ZNF487: variants seen among roughly 807,000 people sequenced by gnomAD.
The protein encoded by ZNF487 is zinc finger protein 487.
ZNF487 carries 4 observed loss-of-function variants against 3.0 expected under a neutral mutation model. The observed-to-expected ratio is 1.35, with a 90% CI of 0.66 to 3.08. The LOEUF (loss-of-function observed/expected upper bound fraction) is 3.08, where lower values mean the gene tolerates loss of function less well. Among genes scored for constraint, ZNF487 ranks in the 30% most tolerant of loss-of-function variants. The pLI is 0.01. For synonymous variants in ZNF487, 55 were observed against 34.6 expected (o/e 1.59, Z -2.06); for missense variants, 146 against 98.7 (o/e 1.48, Z -2.03).
intron 1 of ZNF487, among the ~76,000 whole-genome samples, chr10:43,471,626 GA>G (rs976610170): frequency 1.3e-4 from 20 of 152,148 alleles, no homozygotes; most frequent in African/African-American, 4.8e-4. Context: ...TCTCAGCAGA[GA>G]GGGGAACTGG....
chr10:43,519,221 C>T, the ZNF487 span, among the ~76,000 whole-genome samples: 1 of 151,994 alleles, frequency 6.6e-6, no homozygotes. Flanking sequence ...TTATCACACT[C>T]TTACTGTTGT....
At chr10:43,465,412 G>C (rs1266924898) in intron 1 of ZNF487, among the ~76,000 whole-genome samples, 4 of 149,704 alleles carry the variant, frequency 2.7e-5, no homozygotes, top group Non-Finnish European at 5.9e-5. Flanking sequence ...CCGGGCGGAG[G>C]GGCTCCTCAC....
At chr10:43,498,803 G>C in the ZNF487 span, among the ~76,000 whole-genome samples, 6 of 151,542 alleles carry the variant, frequency 4.0e-5, no homozygotes, top group African/African-American at 4.8e-5. Context: ...TTAGCCGGGC[G>C]TAGTGGCGGG....
intron 1 of ZNF487, among the ~76,000 whole-genome samples, chr10:43,463,715 T>TC (rs58763484): frequency 0.035 from 4,495 of 127,568 alleles, 106 homozygotes; most frequent in South Asian, 0.049. Flanking sequence ...TTTCTTTCTT[T>TC]TTTTTTTTTT....
the ZNF487 span, among the ~76,000 whole-genome samples, chr10:43,513,699 T>C: frequency 6.6e-6 from 1 of 152,202 alleles, no homozygotes; most frequent in African/African-American, 2.4e-5. Flanking sequence ...TGCCAGCTGC[T>C]AAGTATGTCT....
intron 1 of ZNF487, among the ~76,000 whole-genome samples, chr10:43,439,344 G>A (rs1589015817): frequency 1.3e-5 from 2 of 152,106 alleles, no homozygotes; most frequent in African/African-American, 2.4e-5. Context: ...AGGCTTCAGT[G>A]AGCCATGATT....
the ZNF487 span, among the ~76,000 whole-genome samples, chr10:43,516,434 C>A: frequency 1.3e-5 from 2 of 152,118 alleles, no homozygotes; most frequent in Non-Finnish European, 2.9e-5. Flanking sequence ...ATCTGTATTA[C>A]GGTTCTCTAG....
the ZNF487 span, among the ~76,000 whole-genome samples, chr10:43,501,515 A>AGATC: frequency 6.6e-6 from 1 of 152,158 alleles, no homozygotes; most frequent in Non-Finnish European, 1.5e-5. Context: ...TGAGGTGGGC[A>AGATC]GATCACCTGA....
chr10:43,459,926 C>G (rs12245541), intron 1 of ZNF487, among the ~76,000 whole-genome samples: 1 of 151,232 alleles, frequency 6.6e-6, no homozygotes. Context: ...CTCAGCCTCC[C>G]GAGTAGCTGG....
chr10:43,490,669 C>T, the ZNF487 span, among the ~76,000 whole-genome samples: 1 of 146,712 alleles, frequency 6.8e-6, no homozygotes, highest in South Asian at 2.2e-4. Flanking sequence ...GCCACCACGC[C>T]TGGCTAATTT....
At chr10:43,475,079 G>A (rs1209024379) in intron 1 of ZNF487, among the ~76,000 whole-genome samples, 1 of 152,058 alleles carries the variant, frequency 6.6e-6, no homozygotes, top group Non-Finnish European at 1.5e-5. Flanking sequence ...GCAGGCATGT[G>A]CAGACAAGAC....
intron 1 of ZNF487, among the ~76,000 whole-genome samples, chr10:43,441,865 G>T (rs1839624757): frequency 6.6e-6 from 1 of 152,204 alleles, no homozygotes; most frequent in Non-Finnish European, 1.5e-5. Context: ...GGGATTACAG[G>T]CGTGAGCCAC....
chr10:43,445,557 T>A (rs913109727), intron 1 of ZNF487, among the ~76,000 whole-genome samples: 4 of 152,200 alleles, frequency 2.6e-5, no homozygotes. Context: ...CATTGTTCAT[T>A]CTGGGGCAAA....
At chr10:43,443,762 A>G (rs771077202) in intron 1 of ZNF487, among the ~76,000 whole-genome samples, 38 of 151,690 alleles carry the variant, frequency 2.5e-4, no homozygotes, top group African/African-American at 6.1e-4. Context: ...GCCTCAAGCA[A>G]TTCCCCCCAA....
chr10:43,489,381 T>C, the ZNF487 span, among the ~76,000 whole-genome samples: 6 of 152,210 alleles, frequency 3.9e-5, no homozygotes, highest in East Asian at 1.2e-3. Context: ...TGAGATGGAG[T>C]CTCGCTCTGT....
chr10:43,437,986 C>A (rs944262599), intron 1 of ZNF487, among the ~76,000 whole-genome samples: 3 of 152,058 alleles, frequency 2.0e-5, no homozygotes, highest in African/African-American at 7.2e-5. Flanking sequence ...CACCGCCTGC[C>A]ACCGAAATAT....
chr10:43,445,781 CAT>C (rs1373659872), intron 1 of ZNF487, among the ~76,000 whole-genome samples: 2 of 152,016 alleles, frequency 1.3e-5, no homozygotes, highest in Admixed American at 1.3e-4. Context: ...AGCAGATAAA[CAT>C]GTGAACAAAG....
downstream of ZNF487, among the ~76,000 whole-genome samples, chr10:43,484,400 A>C (rs1327782862): frequency 6.6e-6 from 1 of 151,802 alleles, no homozygotes; most frequent in Non-Finnish European, 1.5e-5. Flanking sequence ...TGAGGTCAGG[A>C]GTTCGAGACC....
intron 1 of ZNF487, chr10:43,458,194 A>T: frequency 6.6e-6 from 1 of 152,374 alleles, no homozygotes; most frequent in Middle Eastern, 3.4e-3. Flanking sequence ...ACACGCGCCC[A>T]TGACAGCCTC....
Sources: gnomAD v4.1 joint callset for allele counts (sites outside exome capture counted in the v4.1 genomes callset) on GRCh38, gnomAD v4.1.1 for gene constraint, MANE v1.5 for transcripts, NCBI Gene and HGNC (gene_info 2026-07-23, HGNC 2026-07-21) for gene names.